LHFPL4: variants seen among roughly 807,000 people sequenced by gnomAD.
LHFPL4 encodes the protein LHFPL tetraspan subfamily member 4, also known as LHFPL tetraspan subfamily member 4 protein.
LHFPL4 carries 6 observed loss-of-function variants against 20.0 expected under a neutral mutation model. The observed-to-expected ratio is 0.30, with a 90% CI of 0.16 to 0.59. LHFPL4 has a LOEUF of 0.59. LHFPL4 is among the 20% of genes least tolerant of loss of function. LHFPL4 has a pLI of 0.88. For missense variants in LHFPL4, 215 were observed against 331.2 expected (o/e 0.65, Z 2.72); for synonymous variants, 129 against 143.8 (o/e 0.90, Z 0.74).
chr3:9,504,102 G>A (rs2046198900), intron 3 of LHFPL4, among the ~76,000 whole-genome samples: 2 of 152,182 alleles, frequency 1.3e-5, no homozygotes, highest in African/African-American at 4.8e-5. Context: ...CGGGTGTGCT[G>A]GCTCATGCCT....
chr3:9,552,291 C>A lies in LHFPL4; in HGVS notation c.389G>T (p.Trp130Leu). The A allele has an allele frequency of 6.2e-7, 1 of 1,605,630 alleles. No homozygotes were observed. Among genetic ancestry groups the A allele is most frequent in the South Asian group, 1.1e-5 (1 of 90,484 alleles). Reference protein sequence around the residue: ...NTATVYKICAWMQLLAALCLV... With the variant: ...NTATVYKICALMQLLAALCLV... ...TCCCCTACCTGCCAAGAGCTGCATC[C>A]AGGCGCAGATCTTGTAGACCGTAGC... The change falls in exon 2 of 4, where the codon TGG becomes TTG. Residue 130 changes from tryptophan (W) to leucine (L), a missense_variant. By Grantham distance (61) the Trp-to-Leu change is moderately conservative (BLOSUM62 -2). Around this residue, in one of 2 missense-constraint regions of LHFPL4, gnomAD observed 164 missense variants for 286.7 expected, o/e 0.57. Transcript: ENST00000287585.
At chr3:9,543,737 T>TG (rs1446483828) in intron 2 of LHFPL4, among the ~76,000 whole-genome samples, 1 of 146,628 alleles carries the variant, frequency 6.8e-6, no homozygotes, top group Admixed American at 6.8e-5. Context: ...TGGTTTTTTT[T>TG]TTTTTTTTTT....
At chr3:9,541,726 C>T (rs894069857) in intron 2 of LHFPL4, among the ~76,000 whole-genome samples, 18 of 148,742 alleles carry the variant, frequency 1.2e-4, no homozygotes, top group Admixed American at 6.7e-4. Flanking sequence ...GAGTCGAGAT[C>T]GCACCACTGC....
chr3:9,522,300 C>G (rs2046342844), intron 2 of LHFPL4, among the ~76,000 whole-genome samples: 1 of 152,034 alleles, frequency 6.6e-6, no homozygotes, highest in African/African-American at 2.4e-5. Context: ...GGCCAAGTAC[C>G]TTATAATAAC....
chr3:9,520,000 T>G (rs1176408004), intron 2 of LHFPL4, among the ~76,000 whole-genome samples: 1 of 152,164 alleles, frequency 6.6e-6, no homozygotes, highest in Admixed American at 6.5e-5. Context: ...TGAATTTAAT[T>G]TGCTCTTCTT....
intron 2 of LHFPL4, among the ~76,000 whole-genome samples, chr3:9,512,045 T>G (rs1302988689): frequency 1.3e-5 from 2 of 152,062 alleles, no homozygotes; most frequent in Non-Finnish European, 2.9e-5. Flanking sequence ...CCATTCGCCT[T>G]CCTCAGCCTG....
intron 2 of LHFPL4, among the ~76,000 whole-genome samples, chr3:9,539,456 A>AAC (rs2046464041): frequency 6.8e-6 from 1 of 147,758 alleles, no homozygotes; most frequent in Non-Finnish European, 1.5e-5. Context: ...CTTCGTCTCA[A>AAC]AAAAAAAAAA....
At chr3:9,505,829 G>C in intron 3 of LHFPL4, 138 bp downstream of exon 3, 1 of 818,314 alleles carries the variant, frequency 1.2e-6, no homozygotes, top group Admixed American at 2.0e-5. Flanking sequence ...AAAGTGCTGG[G>C]ATTATAGGCG....
In LHFPL4 at chr3:9,506,235, G is replaced by A. The variant is rs185564848; in HGVS notation, c.407-32C>T. On this transcript the variant is annotated intron_variant, in intron 2 of 3. Transcript: ENST00000287585. The surrounding 1 kb of genome is among the most constrained non-coding windows in gnomAD (Gnocchi z 4.5). ...GGCAGAGCACCGGGCCCACCACCAC[G>A]GTCAGGAAGGAAGAGAAAAGACCAT... 2.0e-4 allele frequency: 315 copies of A among 1,549,286 alleles called. 1 individual carries two copies. In the African/African-American group the frequency reaches 3.8e-3, roughly 18 times the overall value.
At chr3:9,534,104 TC>T (rs987693479) in intron 2 of LHFPL4, among the ~76,000 whole-genome samples, 9 of 151,124 alleles carry the variant, frequency 6.0e-5, no homozygotes, top group African/African-American at 2.2e-4. Flanking sequence ...CATGCAGTAG[TC>T]CCCGCTATTT....
intron 2 of LHFPL4, among the ~76,000 whole-genome samples, chr3:9,551,587 T>G (rs911248133): frequency 1.9e-4 from 29 of 152,170 alleles, no homozygotes; most frequent in African/African-American, 7.0e-4. Flanking sequence ...CTCACTCCCA[T>G]TGGGCATGGC....
In LHFPL4 at chr3:9,499,599, T is replaced by A. The variant is rs918547906; in HGVS notation, c.*2612A>T. ...GGCGCTGACCCACTCCTAAGTCAGC[T>A]GGACCCACTACGTCCTCTGAAGTGG... On this transcript the variant is annotated 3_prime_UTR_variant, in exon 4 of 4. Transcript: ENST00000287585. 6.6e-6 allele frequency: 1 copy of A among 152,394 alleles called. No individual in the cohort carries two copies. 9.4% of individuals were successfully genotyped at this position (152,394 alleles called of 1,614,324 possible).
intron 2 of LHFPL4, among the ~76,000 whole-genome samples, chr3:9,519,949 A>C (rs1194427515): frequency 6.6e-6 from 1 of 152,120 alleles, no homozygotes; most frequent in Non-Finnish European, 1.5e-5. Flanking sequence ...GTGAGTCACC[A>C]TCCTGGTTGA....
rs561781226 is a variant in LHFPL4 at position 9,506,756 on chromosome 3, T to G, written c.407-553A>C. On this transcript the variant is annotated intron_variant, in intron 2 of 3. Transcript: ENST00000287585. This position sits in a 1 kb window ranked among gnomAD's most constrained non-coding sequence, Gnocchi z 4.5. ...CCACCATGTCCGGCTCATTTTTGTA[T>G]TTTTAGTAGAGATGAGGTTTCACCA... Among the ~76,000 whole-genome samples the G allele has an allele frequency of 1.3e-5, 2 of 152,210 alleles. No individual in the cohort carries two copies. The highest frequency in any genetic ancestry group is 2.4e-5 in the African/African-American group (1 of 41,524).
rs1468819634 is a variant in LHFPL4, at chr3:9,502,327, A to G, written c.644-16T>C. The G allele has an allele frequency of 2.6e-6, 4 of 1,551,470 alleles. No homozygotes were observed. Among genetic ancestry groups the G allele is most frequent in the Non-Finnish European group, 2.7e-6 (3 of 1,123,276 alleles). ...CCCACAAAATCTAAGAGAGAGAGAG[A>G]GAGAGAGAAGGAGAGAGAATTAGAG... On this transcript the variant is annotated splice_polypyrimidine_tract_variant and intron_variant, in intron 3 of 3. Transcript: ENST00000287585.
chr3:9,539,382 G>A (rs1374821946), intron 2 of LHFPL4, among the ~76,000 whole-genome samples: 1 of 151,194 alleles, frequency 6.6e-6, no homozygotes, highest in Non-Finnish European at 1.5e-5. Flanking sequence ...TTGAACCCAG[G>A]AGGTGGAGCT....
intron 2 of LHFPL4, among the ~76,000 whole-genome samples, chr3:9,515,716 A>G (rs2046295693): frequency 6.8e-6 from 1 of 146,616 alleles, no homozygotes; most frequent in Non-Finnish European, 1.5e-5. Context: ...TTTATCAGAT[A>G]TGTCTTTTTT....
At chr3:9,517,166 C>T (rs2046308617) in intron 2 of LHFPL4, among the ~76,000 whole-genome samples, 1 of 152,022 alleles carries the variant, frequency 6.6e-6, no homozygotes, top group Non-Finnish European at 1.5e-5. Flanking sequence ...TTTTGTTCTC[C>T]TTGAATATTG....
At chr3:9,529,761 C>G (rs1006501972) in intron 2 of LHFPL4, among the ~76,000 whole-genome samples, 2 of 151,760 alleles carry the variant, frequency 1.3e-5, no homozygotes, top group African/African-American at 4.8e-5. Flanking sequence ...AGGCTCCTGA[C>G]AGCTGGGATT....
Sources: allele counts gnomAD v4.1 joint callset (sites outside exome capture counted in the v4.1 genomes callset), GRCh38; gene constraint gnomAD v4.1.1; regional missense constraint gnomAD v4.1.1; non-coding constraint Gnocchi (gnomAD v3.1); transcripts MANE v1.5; gene names NCBI Gene and HGNC (gene_info 2026-07-23, HGNC 2026-07-21).